ATP13A5: variants seen among roughly 807,000 people sequenced by gnomAD.
ATP13A5 encodes the protein probable cation-transporting ATPase 13A5.
In ATP13A5, 149 loss-of-function variants were observed where a neutral mutation model predicts 150.2. That is an observed-to-expected ratio of 0.99 (90% CI 0.87 to 1.14). The LOEUF (loss-of-function observed/expected upper bound fraction) is 1.14. Among genes scored for constraint, ATP13A5 ranks in the 50% most tolerant of loss-of-function variants. The pLI is 0.00. For missense variants in ATP13A5, 1,383 were observed against 1,449.3 expected, an observed-to-expected ratio of 0.95 and a Z score of 0.74; for synonymous variants, 497 against 522.2, an observed-to-expected ratio of 0.95 and a Z score of 0.66.
chr3:193,306,980 G>T (rs902679010), intron 22 of ATP13A5: 4 of 420,486 alleles, frequency 9.5e-6, no homozygotes, highest in Non-Finnish European at 1.3e-5. Flanking sequence ...GACCTTGGGA[G>T]GGGGGAAGAA....
At chr3:193,345,350 G>A (rs1712295154) in intron 7 of ATP13A5, among the ~76,000 whole-genome samples, 1 of 152,168 alleles carries the variant, frequency 6.6e-6, no homozygotes, top group South Asian at 2.1e-4. Context: ...CAAGGAACCT[G>A]TTAAAAGAAA....
intron 14 of ATP13A5, chr3:193,323,574 C>T (rs1719358470): frequency 6.6e-6 from 1 of 152,160 alleles, no homozygotes; most frequent in Admixed American, 6.5e-5. Flanking sequence ...AGGACCAAAG[C>T]CAGATATAAA....
chr3:193,367,973 G>C (rs1713292881), intron 1 of ATP13A5, among the ~76,000 whole-genome samples: 1 of 144,864 alleles, frequency 6.9e-6, no homozygotes, highest in South Asian at 2.3e-4. Flanking sequence ...GAGAAAGAAA[G>C]AGGGAAGGGA....
rs982521218 is a variant in ATP13A5 at position 193,305,589 on chromosome 3, G to C, written c.2648C>G (p.Thr883Ser). Reference sequence around the variant, plus strand: ...GAGATGAGGCACACACTGGATGTTGGTTGTTTTAGAGGTAAAAGGGGATGC... The same window carrying C: ...GAGATGAGGCACACACTGGATGTTGCTTGTTTTAGAGGTAAAAGGGGATGC... ...SVASPFTSKTTNIQCVPHLIR... is the reference protein window; with the variant it reads ...SVASPFTSKTSNIQCVPHLIR... Residue 883 changes from threonine to serine, a missense_variant, in exon 23 of 30, where the codon ACC becomes AGC. Thr to Ser is a moderately conservative substitution (Grantham distance 58). This residue lies in a region of ATP13A5 where 568 missense variants were observed against 621.5 expected (regional missense o/e 0.91). Coordinates refer to ENST00000342358, the MANE Select transcript of ATP13A5 (RefSeq NM_198505.4). The C allele has an allele frequency of 3.8e-5, 61 of 1,613,734 alleles. No homozygotes were observed. The highest frequency in any genetic ancestry group is 5.1e-5 in the Non-Finnish European group (60 of 1,179,818).
intron 1 of ATP13A5, among the ~76,000 whole-genome samples, chr3:193,365,649 G>C (rs1713213065): frequency 6.6e-6 from 1 of 152,008 alleles, no homozygotes; most frequent in African/African-American, 2.4e-5. Flanking sequence ...GAAGCTTACT[G>C]CCAAAGTCAA....
At chr3:193,313,921 A>G (rs1410518867) in intron 19 of ATP13A5, 112 bp downstream of exon 19, 2 of 1,239,364 alleles carry the variant, frequency 1.6e-6, no homozygotes, top group East Asian at 2.4e-5. Context: ...CTCTGGACAG[A>G]TGTGAGGGAT....
chr3:193,333,739 C>A lies in ATP13A5; in HGVS notation c.1272+11G>T. Reference sequence around the variant, plus strand: ...TCTATACTATTGAAAAGCCTTACCCCCAGTACTTACTCCATGGTACATATA... The same window carrying A: ...TCTATACTATTGAAAAGCCTTACCCACAGTACTTACTCCATGGTACATATA... On this transcript the variant is annotated intron_variant, in intron 11 of 29. Coordinates refer to ENST00000342358, the MANE Select transcript of ATP13A5 (RefSeq NM_198505.4). 1 of 1,612,054 alleles carries A rather than the reference C, an allele frequency of 6.2e-7. No homozygotes were observed. Among genetic ancestry groups the A allele is most frequent in the Non-Finnish European group, 8.5e-7 (1 of 1,178,926 alleles).
At chr3:193,292,257 C>T (rs146965792) in intron 25 of ATP13A5, among the ~76,000 whole-genome samples, 60 of 152,208 alleles carry the variant, frequency 3.9e-4, no homozygotes, top group African/African-American at 1.4e-3. Context: ...GGAGTTCTCT[C>T]TGTATTCCAG....
intron 17 of ATP13A5, among the ~76,000 whole-genome samples, chr3:193,318,677 G>T (rs2108859342): frequency 6.6e-6 from 1 of 152,264 alleles, no homozygotes; most frequent in Admixed American, 6.5e-5. Flanking sequence ...AAGGAGCGTT[G>T]GTTGTTTTGA....
intron 23 of ATP13A5, among the ~76,000 whole-genome samples, chr3:193,303,526 A>G (rs1207569233): frequency 6.6e-6 from 1 of 151,998 alleles, no homozygotes; most frequent in Non-Finnish European, 1.5e-5. Context: ...ATTTGTGTGT[A>G]TGTGTGTGTA....
Position 193,362,463 on chromosome 3 carries a change from T to C in ATP13A5, c.456-2A>G, listed in dbSNP as rs1462799205. On this transcript the variant is annotated splice_acceptor_variant, in intron 4 of 29. Coordinates refer to ENST00000342358, the MANE Select transcript of ATP13A5 (RefSeq NM_198505.4). LOFTEE classifies it high-confidence loss of function. ...CAGGAATTGCTGTCTTCTAGCAACC[T>C]AGGATGTATTCAGGATAGGAACCAC... The C allele has an allele frequency of 6.2e-7, 1 of 1,613,956 alleles. No homozygotes were observed. The highest frequency in any genetic ancestry group is 1.3e-5 in the African/African-American group (1 of 74,934).
intron 27 of ATP13A5, among the ~76,000 whole-genome samples, chr3:193,280,661 C>T (rs1717447920): frequency 6.6e-6 from 1 of 152,148 alleles, no homozygotes; most frequent in South Asian, 2.1e-4. Context: ...TATTTCCAAC[C>T]TCACCCACTC....
intron 15 of ATP13A5, 101 bp from the exon 16 acceptor site, chr3:193,321,938 T>G: frequency 7.8e-7 from 1 of 1,284,788 alleles, no homozygotes; most frequent in Admixed American, 2.3e-5. Context: ...CCCAGAGACA[T>G]CTTGATGTAG....
rs943776216 is a variant in ATP13A5, at chr3:193,348,182, T to A, written c.741+2885A>T. Among the ~76,000 whole-genome samples the A allele has an allele frequency of 2.6e-5, 4 of 152,200 alleles. No homozygotes were observed. In the East Asian group the frequency reaches 7.7e-4, roughly 29 times the overall value. On this transcript the variant is annotated intron_variant, in intron 7 of 29. Coordinates refer to ENST00000342358, the MANE Select transcript of ATP13A5 (RefSeq NM_198505.4). Reference sequence around the variant, plus strand: ...AAGGCAAACCCTGCAGTGCTTGCCATGACTGCAAAGCTCGTTGCCTGATTT... The same window carrying A: ...AAGGCAAACCCTGCAGTGCTTGCCAAGACTGCAAAGCTCGTTGCCTGATTT...
At chr3:193,322,692 C>T in intron 14 of ATP13A5, 118 bp from the exon 15 acceptor site, 2 of 724,514 alleles carry the variant, frequency 2.8e-6, no homozygotes, top group East Asian at 2.7e-5. Context: ...TTTTCTCTTC[C>T]AGGCCAATTA....
chr3:193,291,841 AAT>A (rs1193581166), intron 25 of ATP13A5, among the ~76,000 whole-genome samples: 1 of 152,036 alleles, frequency 6.6e-6, no homozygotes, highest in African/African-American at 2.4e-5. Flanking sequence ...TGAGACCCCT[AAT>A]AGACCTTACC....
Position 193,354,137 on chromosome 3 carries a change from A to G in ATP13A5, c.596T>C (p.Leu199Pro). 2.5e-6 allele frequency: 4 copies of G among 1,607,146 alleles called. No homozygotes were observed. Among genetic ancestry groups the G allele is most frequent in the Non-Finnish European group, 3.4e-6 (4 of 1,178,202 alleles). Residue 199 changes from leucine to proline, a missense_variant, in exon 6 of 30, where the codon CTT becomes CCT. By Grantham distance (98) the Leu-to-Pro change is moderately conservative. This residue lies in a region of ATP13A5 where 787 missense variants were observed against 771.9 expected (regional missense o/e 1.02). Coordinates refer to ENST00000342358, the MANE Select transcript of ATP13A5 (RefSeq NM_198505.4). ...EVEIQPIWKL[L>P]VKQVLNPFYV... The stretch of plus-strand genomic sequence containing the variant: ...AAAGAAAACAGTTACCTGTTTAACA[A>G]GCAGCTTCCATATGGGTTGGATTTC...
In ATP13A5 at chr3:193,343,986, A is replaced by G; in HGVS notation, c.884T>C (p.Leu295Ser). Residue 295 changes from leucine to serine, a missense_variant, in exon 9 of 30, where the codon TTG (leucine) becomes TCG (serine). By Grantham distance (145) the Leu-to-Ser change is moderately radical. Coordinates refer to ENST00000342358, the MANE Select transcript of ATP13A5 (RefSeq NM_198505.4). Reference sequence around the variant, plus strand: ...ATCAATCAAAACAGCATCACATGGCAATGAAAATTTTCCTGGAAGAATAAG... The same window carrying G: ...ATCAATCAAAACAGCATCACATGGCGATGAAAATTTTCCTGGAAGAATAAG... The part of the protein sequence containing the change: ...DILILPGKFS[L>S]PCDAVLIDGS... 6.2e-7 allele frequency: 1 copy of G among 1,613,512 alleles called. No individual in the cohort carries two copies. The highest frequency in any genetic ancestry group is 8.5e-7 in the Non-Finnish European group (1 of 1,179,626).
chr3:193,328,985 G>A (rs1001107782), intron 12 of ATP13A5, among the ~76,000 whole-genome samples: 3 of 152,298 alleles, frequency 2.0e-5, no homozygotes, highest in Admixed American at 1.3e-4. Flanking sequence ...GGTGGCTCAC[G>A]CCTGTAATCC....
Sources: allele counts gnomAD v4.1 joint callset (sites outside exome capture counted in the v4.1 genomes callset), GRCh38; gene constraint gnomAD v4.1.1; regional missense constraint gnomAD v4.1.1; transcripts MANE v1.5; gene names NCBI Gene and HGNC (gene_info 2026-07-23, HGNC 2026-07-21).